Variants in TMEM177 observed in about 807,000 individuals in gnomAD.
The protein encoded by TMEM177 is transmembrane protein 177.
In TMEM177, 4 loss-of-function variants were observed where a neutral mutation model predicts 14.2. The ratio of observed to expected loss-of-function variants is 0.28; its 90% CI spans 0.14 to 0.64. The LOEUF (loss-of-function observed/expected upper bound fraction) is 0.64. Among genes scored for constraint, TMEM177 ranks in the 30% least tolerant of loss-of-function variants. The probability of loss-of-function intolerance (pLI) is 0.82; values close to 1 mark genes in which losing one functional copy is unlikely to be tolerated. For missense variants in TMEM177, 344 were observed against 405.2 expected (o/e 0.85, Z 1.30); for synonymous variants, 179 against 174.5 (o/e 1.03, Z -0.20).
chr2:119,693,833 C>G, the TMEM177 span, among the ~76,000 whole-genome samples: 1 of 30,032 alleles, frequency 3.3e-5, no homozygotes, highest in African/African-American at 1.2e-4. Context: ...CACAAACATA[C>G]CACATACACA....
At chr2:119,692,123 C>T in the TMEM177 span, among the ~76,000 whole-genome samples, 1 of 152,248 alleles carries the variant, frequency 6.6e-6, no homozygotes, top group African/African-American at 2.4e-5. Flanking sequence ...CCTAACAACT[C>T]CTGTTGGAGC....
the TMEM177 span, among the ~76,000 whole-genome samples, chr2:119,696,682 A>G: frequency 6.6e-6 from 1 of 152,198 alleles, no homozygotes; most frequent in Admixed American, 6.5e-5. Context: ...GACAGCCTAC[A>G]CTGAGAAGGT....
chr2:119,682,542 A>G (rs1318509945), downstream of TMEM177, among the ~76,000 whole-genome samples: 1 of 152,154 alleles, frequency 6.6e-6, no homozygotes, highest in Non-Finnish European at 1.5e-5. Context: ...GGTCCCGTGG[A>G]TGCAGATGGC....
downstream of TMEM177, among the ~76,000 whole-genome samples, chr2:119,686,966 CT>C (rs1215075470): frequency 6.6e-6 from 1 of 152,182 alleles, no homozygotes; most frequent in Non-Finnish European, 1.5e-5. Context: ...TGTTAGGCAG[CT>C]TTTAAGATGA....
the TMEM177 span, among the ~76,000 whole-genome samples, chr2:119,693,298 C>T: frequency 1.8e-3 from 279 of 152,294 alleles, 3 homozygotes; most frequent in African/African-American, 6.0e-3. Context: ...GTGGGTTTGA[C>T]GCAGTAGCAC....
the TMEM177 span, among the ~76,000 whole-genome samples, chr2:119,705,064 T>C: frequency 6.6e-6 from 1 of 152,224 alleles, no homozygotes; most frequent in Non-Finnish European, 1.5e-5. Context: ...GTGGCTCTTT[T>C]TAAGCAGCTG....
chr2:119,709,336 A>G, the TMEM177 span, among the ~76,000 whole-genome samples: 5 of 152,138 alleles, frequency 3.3e-5, no homozygotes, highest in Admixed American at 6.5e-5. Context: ...ACATACTACA[A>G]TCCCTTTGAA....
the TMEM177 span, among the ~76,000 whole-genome samples, chr2:119,712,301 C>T: frequency 6.6e-6 from 1 of 152,142 alleles, no homozygotes; most frequent in Non-Finnish European, 1.5e-5. Context: ...ATTTCACCCC[C>T]ATGGACACTG....
chr2:119,715,931 C>A, the TMEM177 span, among the ~76,000 whole-genome samples: 4 of 152,200 alleles, frequency 2.6e-5, no homozygotes, highest in Admixed American at 2.6e-4. Flanking sequence ...GTGGCCCAAC[C>A]CACAAGTGCA....
chr2:119,681,821 G>A lies in TMEM177; in HGVS notation c.*32G>A, dbSNP rs758648619. ...CATCACAAGGACACTTCCAGCTTGT[G>A]CAGACACCACCCTGCCATTGAGTCT... On this transcript the variant is annotated 3_prime_UTR_variant, in exon 2 of 2. Transcript: ENST00000272521. 1.3e-6 allele frequency: 2 copies of A among 1,585,436 alleles called. No homozygotes were observed. The highest frequency in any genetic ancestry group is 1.7e-6 in the Non-Finnish European group (2 of 1,161,736).
At chr2:119,694,572 G>A in the TMEM177 span, among the ~76,000 whole-genome samples, 5 of 152,230 alleles carry the variant, frequency 3.3e-5, no homozygotes, top group South Asian at 2.1e-4. Context: ...GCTGTTGGCC[G>A]GGCACTGTCC....
chr2:119,695,155 G>A, the TMEM177 span, among the ~76,000 whole-genome samples: 3 of 152,192 alleles, frequency 2.0e-5, no homozygotes, highest in African/African-American at 7.2e-5. Context: ...GAGTCTCTCT[G>A]TGTCCTTTCC....
chr2:119,719,692 T>A, the TMEM177 span, among the ~76,000 whole-genome samples: 1 of 152,074 alleles, frequency 6.6e-6, no homozygotes, highest in Non-Finnish European at 1.5e-5. Flanking sequence ...CATCTGAGGA[T>A]GGGAAGGTGA....
chr2:119,691,970 G>A, the TMEM177 span, among the ~76,000 whole-genome samples: 9 of 152,316 alleles, frequency 5.9e-5, no homozygotes, highest in South Asian at 2.1e-4. Flanking sequence ...GCCCAGCCTC[G>A]CAGTCTGGAC....
the TMEM177 span, among the ~76,000 whole-genome samples, chr2:119,705,990 A>ATATATATAATATATTATATAT: frequency 5.5e-4 from 8 of 14,606 alleles, no homozygotes; most frequent in East Asian, 9.0e-3. Context: ...CTCTCTATAT[A>ATATATATAATATATTATATAT]TATATATTAT....
the TMEM177 span, among the ~76,000 whole-genome samples, chr2:119,707,584 T>C: frequency 6.6e-6 from 1 of 152,184 alleles, no homozygotes; most frequent in South Asian, 2.1e-4. Context: ...AAATAATGGC[T>C]CTTCTGCCCC....
At chr2:119,710,272 TTC>T in the TMEM177 span, among the ~76,000 whole-genome samples, 2 of 152,178 alleles carry the variant, frequency 1.3e-5, no homozygotes, top group African/African-American at 4.8e-5. Flanking sequence ...CAGGGGGAAA[TTC>T]CCCGGAGTTT....
At chr2:119,690,942 C>T (rs944862617), downstream of TMEM177, among the ~76,000 whole-genome samples, 2 of 152,226 alleles carry the variant, frequency 1.3e-5, no homozygotes, top group African/African-American at 4.8e-5. Context: ...GCAGGGACAC[C>T]CTCACTTTCC....
At position 119,681,856 on chromosome 2, in the gene TMEM177, T is replaced by C; in HGVS notation, c.*67T>C. 7.4e-6 allele frequency: 11 copies of C among 1,493,302 alleles called. No individual in the cohort carries two copies. The highest frequency in any genetic ancestry group is 1.0e-5 in the Non-Finnish European group (11 of 1,091,464). 92.5% of individuals were successfully genotyped at this position (1,493,302 alleles called of 1,614,324 possible). ...CCCTGCCATTGAGTCTGGAGGGCCC[T>C]GTTGGAGCCTTTGGACCTATAGCTC... On this transcript the variant is annotated 3_prime_UTR_variant, in exon 2 of 2. Coordinates refer to ENST00000272521, the MANE Select transcript of TMEM177 (RefSeq NM_030577.3).
Sources: allele counts gnomAD v4.1 joint callset (sites outside exome capture counted in the v4.1 genomes callset), GRCh38; gene constraint gnomAD v4.1.1; transcripts MANE v1.5; gene names NCBI Gene and HGNC (gene_info 2026-07-23, HGNC 2026-07-21).